The following UNC79 variants were observed in gnomAD, a reference collection of about 807,000 sequenced individuals.
UNC79 encodes the protein protein unc-79 homolog.
UNC79 carries 37 observed loss-of-function variants against 283.1 expected under a neutral mutation model. The ratio of observed to expected loss-of-function variants is 0.13; its 90% CI spans 0.10 to 0.17. UNC79 has a LOEUF of 0.17. Ranked by LOEUF, UNC79 falls within the 10% of genes least tolerant of loss-of-function variation. UNC79 has a pLI of 1.00. For missense variants in UNC79, 2,272 were observed against 3,211.1 expected (o/e 0.71, Z 7.07); for synonymous variants, 1,107 against 1,200.2 (o/e 0.92, Z 1.61).
chr14:93,567,742 G>A (rs1487343904), intron 14 of UNC79, among the ~76,000 whole-genome samples: 1 of 152,156 alleles, frequency 6.6e-6, no homozygotes, highest in Non-Finnish European at 1.5e-5. Context: ...CCGAATATCT[G>A]AGATGGTCTC....
chr14:93,690,434 A>G lies in UNC79; in HGVS notation c.7272+131A>G. On this transcript the variant is annotated intron_variant, in intron 45 of 48. Coordinates refer to ENST00000555664, the Ensembl canonical transcript of UNC79. The surrounding 1 kb of genome is among the most constrained non-coding windows in gnomAD (Gnocchi z 4.3). ...CCCTCCTGTGGATGTTAGAAACACA[A>G]CTTTGTGCTAATGTCTTATTTAAAG... 1.9e-6 allele frequency: 2 copies of G among 1,040,834 alleles called. No individual in the cohort carries two copies. Among genetic ancestry groups the G allele is most frequent in the South Asian group, 1.8e-5 (1 of 55,538 alleles). The allele number at this position is 1,040,834 out of a possible 1,614,324, so 64.5% of individuals were successfully genotyped here.
intron 1 of UNC79, among the ~76,000 whole-genome samples, chr14:93,380,658 G>C (rs909879203): frequency 6.6e-6 from 1 of 152,190 alleles, no homozygotes; most frequent in Admixed American, 6.5e-5. Flanking sequence ...GATGTTGGCT[G>C]TTTTGTTCAT....
rs181272720 is a variant in UNC79 at position 93,661,951 on chromosome 14, T to A, written c.6526-653T>A. ...GTCTCCCAGGATAGTTATGAGAAAT[T>A]TGAGTAAGATAAACTATATGAAATC... On this transcript the variant is annotated intron_variant, in intron 39 of 48. Transcript: ENST00000555664. 1.2e-3 allele frequency among the ~76,000 whole-genome samples: 177 copies of A among 152,308 alleles called. 2 individuals are homozygous for A. The highest frequency in any genetic ancestry group is 4.1e-3 in the African/African-American group (171 of 41,574).
At chr14:93,401,237 A>G (rs2055102163) in intron 1 of UNC79, among the ~76,000 whole-genome samples, 1 of 152,224 alleles carries the variant, frequency 6.6e-6, no homozygotes, top group Non-Finnish European at 1.5e-5. Flanking sequence ...AGAGAGACAG[A>G]TCTTAGAAAA....
At chr14:93,462,253 C>T (rs967384596) in intron 1 of UNC79, among the ~76,000 whole-genome samples, 9 of 152,258 alleles carry the variant, frequency 5.9e-5, no homozygotes, top group African/African-American at 1.4e-4. Flanking sequence ...TTGCAGTGAG[C>T]GGAGATCGGG....
At chr14:93,497,598 G>A (rs544045717) in intron 7 of UNC79, among the ~76,000 whole-genome samples, 1 of 152,320 alleles carries the variant, frequency 6.6e-6, no homozygotes, top group Non-Finnish European at 1.5e-5. Flanking sequence ...CTGCAAATTT[G>A]CTCATCATTT....
intron 17 of UNC79, among the ~76,000 whole-genome samples, chr14:93,575,884 T>C (rs2063449712): frequency 6.6e-6 from 1 of 152,168 alleles, no homozygotes; most frequent in Non-Finnish European, 1.5e-5. Context: ...CTACAAAATT[T>C]CCCCCACTGT....
chr14:93,517,013 T>C (rs1302181386), intron 7 of UNC79, among the ~76,000 whole-genome samples: 1 of 152,146 alleles, frequency 6.6e-6, no homozygotes, highest in East Asian at 1.9e-4. Context: ...TGTTTATTGG[T>C]ACTCTACAAA....
chr14:93,532,523 G>A (rs761300260), intron 10 of UNC79, 27 bp from the exon 11 acceptor site: 1 of 1,603,870 alleles, frequency 6.2e-7, no homozygotes, highest in Non-Finnish European at 8.5e-7. Context: ...TTTCTTTGTT[G>A]ATATTTTGTG....
At chr14:93,439,232 T>C (rs1320105803) in intron 1 of UNC79, among the ~76,000 whole-genome samples, 1 of 152,106 alleles carries the variant, frequency 6.6e-6, no homozygotes, top group Non-Finnish European at 1.5e-5. Context: ...TTGGTCAGTA[T>C]CTCCAATACA....
At chr14:93,582,152 C>A in intron 19 of UNC79, 51 bp from the exon 20 acceptor site, 6 of 1,613,390 alleles carry the variant, frequency 3.7e-6, no homozygotes, top group Non-Finnish European at 5.1e-6. Context: ...CAAACCGTTC[C>A]TGACACCCCT....
intron 20 of UNC79, among the ~76,000 whole-genome samples, chr14:93,585,636 C>T (rs546625549): frequency 6.6e-6 from 1 of 152,274 alleles, no homozygotes; most frequent in African/African-American, 2.4e-5. Context: ...GATTTTAACA[C>T]ATTCTGCACT....
At chr14:93,341,720 A>T (rs1433826360) in intron 1 of UNC79, among the ~76,000 whole-genome samples, 1 of 152,086 alleles carries the variant, frequency 6.6e-6, no homozygotes, top group African/African-American at 2.4e-5. Context: ...GCTGCAGTGA[A>T]TGTAAACCAA....
intron 5 of UNC79, among the ~76,000 whole-genome samples, chr14:93,490,553 C>G (rs368434350): frequency 6.6e-6 from 1 of 152,180 alleles, no homozygotes; most frequent in East Asian, 1.9e-4. Flanking sequence ...AACACTAGGA[C>G]ATGAACACAA....
chr14:93,622,120 CG>C lies in UNC79; in HGVS notation c.4888del (p.Asp1630ThrfsTer13). On this transcript the variant is annotated frameshift_variant, in exon 30 of 49. Transcript: ENST00000555664. LOFTEE classifies it high-confidence loss of function. ...ACTCTATACTCTCAACCTCCGACAGCGACTCTCTTGTATTTGAGCCTCTTCC... is the reference window on the plus strand; with the variant it reads ...ACTCTATACTCTCAACCTCCGACAGCACTCTCTTGTATTTGAGCCTCTTCC... 6.2e-7 allele frequency: 1 copy of C among 1,614,104 alleles called. No individual in the cohort carries two copies. Among genetic ancestry groups the C allele is most frequent in the Non-Finnish European group, 8.5e-7 (1 of 1,180,032 alleles).
At chr14:93,647,232 T>C (rs1164130244) in intron 35 of UNC79, among the ~76,000 whole-genome samples, 1 of 152,182 alleles carries the variant, frequency 6.6e-6, no homozygotes, top group Non-Finnish European at 1.5e-5. Context: ...GAGGTTATAG[T>C]AACTATAACA....
chr14:93,692,173 G>A (rs192968310), intron 46 of UNC79, among the ~76,000 whole-genome samples: 11 of 152,270 alleles, frequency 7.2e-5, no homozygotes, highest in South Asian at 2.1e-4. Flanking sequence ...ATTGTACGCC[G>A]TGGTGACTAC....
chr14:93,363,934 A>G (rs1346455828), intron 1 of UNC79, among the ~76,000 whole-genome samples: 2 of 151,746 alleles, frequency 1.3e-5, no homozygotes, highest in African/African-American at 4.8e-5. Context: ...GTTAGCCAGG[A>G]TGGTCTCGAT....
chr14:93,395,578 C>G (rs1234240159), intron 1 of UNC79, among the ~76,000 whole-genome samples: 2 of 152,124 alleles, frequency 1.3e-5, no homozygotes, highest in Non-Finnish European at 2.9e-5. Context: ...TGGGGAGGGC[C>G]CCCAACATTA....
Sources: allele counts gnomAD v4.1 joint callset (sites outside exome capture counted in the v4.1 genomes callset), GRCh38; gene constraint gnomAD v4.1.1; non-coding constraint Gnocchi (gnomAD v3.1); transcripts MANE v1.5; gene names NCBI Gene and HGNC (gene_info 2026-07-23, HGNC 2026-07-21).